The following INPP5D variants were observed in gnomAD, a reference collection of about 807,000 sequenced individuals.
INPP5D encodes the protein inositol polyphosphate-5-phosphatase D, also known as phosphatidylinositol 3,4,5-trisphosphate 5-phosphatase 1.
A neutral mutation model predicts 122.9 loss-of-function variants in INPP5D; 33 were observed. The observed-to-expected ratio is 0.27, with a 90% CI of 0.20 to 0.36. The LOEUF (loss-of-function observed/expected upper bound fraction) is 0.36. Among genes scored for constraint, INPP5D ranks in the 10% least tolerant of loss-of-function variants. The pLI, the probability that INPP5D is intolerant of heterozygous loss-of-function variation, is 1.00. For missense variants in INPP5D, 1,053 were observed against 1,412.7 expected, an observed-to-expected ratio of 0.75 and a Z score of 4.08; for synonymous variants, 584 against 576.2, an observed-to-expected ratio of 1.01 and a Z score of -0.19.
chr2:233,205,889 A>G (rs56404638), intron 26 of INPP5D, among the ~76,000 whole-genome samples: 29,572 of 151,714 alleles, frequency 0.19, 3,005 homozygotes, highest in East Asian at 0.36. Context: ...GACCAGCCTA[A>G]CCAATATGGT....
chr2:233,174,547 C>T (rs1342779679), intron 17 of INPP5D, among the ~76,000 whole-genome samples: 2 of 152,206 alleles, frequency 1.3e-5, no homozygotes, highest in Non-Finnish European at 2.9e-5. Context: ...ATTCCCAACA[C>T]TTTGGGAGCT....
In INPP5D at chr2:233,204,662, G is replaced by A. The variant is rs868383258; in HGVS notation, c.3512G>A (p.Gly1171Asp). ...GACAACACCGAGCTCCCGCATCACGGCAAGCACCGGCCGGAGGAGGGGCCA... is the reference window on the plus strand; with the variant it reads ...GACAACACCGAGCTCCCGCATCACGACAAGCACCGGCCGGAGGAGGGGCCA... ...YRDNTELPHH[G>D]KHRPEEGPPG... Residue 1171 changes from glycine to aspartate, a missense_variant, in exon 26 of 27, where the codon GGC becomes GAC. This residue lies in a region of INPP5D where 417 missense variants were observed against 425.8 expected (regional missense o/e 0.98). Coordinates refer to ENST00000445964, the MANE Select transcript of INPP5D (RefSeq NM_001017915.3). The A allele has an allele frequency of 6.3e-7, 1 of 1,577,764 alleles. No homozygotes were observed. Among genetic ancestry groups the A allele is most frequent in the Non-Finnish European group, 8.6e-7 (1 of 1,163,184 alleles).
rs148152421 is a variant in INPP5D at position 233,070,261 on chromosome 2, C to T, written c.135-9074C>T. Among the ~76,000 whole-genome samples, 315 of 151,922 alleles carry T rather than the reference C, an allele frequency of 2.1e-3. 2 individuals carry two copies. The highest frequency in any genetic ancestry group is 0.011 in the East Asian group (57 of 5,182). Reference sequence around the variant, plus strand: ...TTTAAGTTTTATGATTTTTTTTTGACATTCAGGGACTGTAAATTTTTATAT... The same window carrying T: ...TTTAAGTTTTATGATTTTTTTTTGATATTCAGGGACTGTAAATTTTTATAT... On this transcript the variant is annotated intron_variant, in intron 1 of 26. Transcript: ENST00000445964.
chr2:233,164,321 G>T lies in INPP5D; in HGVS notation c.1452G>T (p.Thr484=). Residue 484 remains threonine (T), a synonymous_variant, in exon 13 of 27, where the codon ACG becomes ACT. Coordinates refer to ENST00000445964, the MANE Select transcript of INPP5D (RefSeq NM_001017915.3). This position sits in a 1 kb window ranked among gnomAD's most constrained non-coding sequence, Gnocchi z 4.3. The stretch of plus-strand genomic sequence containing the variant: ...CCTCCCACCAGGTCGCCATCCACAC[G>T]CTCTGGAACATCCGCATCGTGGTGC... ...SVTFKTVAIH[T]LWNIRIVVLA... is the part of the protein sequence containing the mutation. 7 of 1,550,906 alleles carry T rather than the reference G, an allele frequency of 4.5e-6. No homozygotes were observed. The highest frequency in any genetic ancestry group is 6.1e-6 in the Non-Finnish European group (7 of 1,146,596).
chr2:233,166,149 G>A (rs375586031), intron 13 of INPP5D, among the ~76,000 whole-genome samples: 4 of 152,110 alleles, frequency 2.6e-5, no homozygotes, highest in African/African-American at 7.2e-5. Context: ...CTGCGCCCAC[G>A]CCCTCCTGCT....
chr2:233,172,529 C>G (rs751455343), intron 17 of INPP5D, among the ~76,000 whole-genome samples: 15 of 152,204 alleles, frequency 9.9e-5, no homozygotes, highest in Non-Finnish European at 1.5e-4. Flanking sequence ...ATTGCGAGAC[C>G]TGATTGCCAT....
chr2:233,073,477 T>C (rs889305552), intron 1 of INPP5D, among the ~76,000 whole-genome samples: 1 of 151,726 alleles, frequency 6.6e-6, no homozygotes, highest in Non-Finnish European at 1.5e-5. Flanking sequence ...CCATCTCTAC[T>C]AAAAGTACAA....
At chr2:233,118,931 C>T (rs937813108) in intron 2 of INPP5D, among the ~76,000 whole-genome samples, 1 of 152,240 alleles carries the variant, frequency 6.6e-6, no homozygotes, top group Non-Finnish European at 1.5e-5. Context: ...TCCCTGGCCT[C>T]TGGGAGCGGG....
rs1006710801 is a variant in INPP5D at position 233,164,156 on chromosome 2, A to G, written c.1438-151A>G. The G allele has an allele frequency of 6.3e-5, 89 of 1,415,474 alleles. No homozygotes were observed. The highest frequency in any genetic ancestry group is 8.0e-5 in the Non-Finnish European group (86 of 1,079,500). The allele number at this position is 1,415,474 out of a possible 1,614,324, so 87.7% of individuals were successfully genotyped here. A position where few individuals can be genotyped will look rare whatever the true frequency, so the allele number is the denominator to read the frequency against. On this transcript the variant is annotated intron_variant, in intron 12 of 26. Transcript: ENST00000445964. The surrounding 1 kb of genome is among the most constrained non-coding windows in gnomAD (Gnocchi z 4.3). ...ATCTTTAGGATGTTTTGTCTCGCCT[A>G]TCAAGCATCGCTGGGAGTCCCCCGA...
chr2:233,126,433 C>T (rs902816377), intron 4 of INPP5D, among the ~76,000 whole-genome samples: 15 of 152,138 alleles, frequency 9.9e-5, no homozygotes, highest in African/African-American at 2.9e-4. Flanking sequence ...CATACGCCAC[C>T]GGGTTGCTAT....
At chr2:233,086,121 C>CTTTCT (rs1010736647) in intron 2 of INPP5D, among the ~76,000 whole-genome samples, 2 of 67,332 alleles carry the variant, frequency 3.0e-5, no homozygotes, top group African/African-American at 1.5e-4. Flanking sequence ...AAGATAGCCT[C>CTTTCT]TTTCTTTCTT....
At chr2:233,143,176 A>G (rs1006975496) in intron 6 of INPP5D, among the ~76,000 whole-genome samples, 12 of 152,260 alleles carry the variant, frequency 7.9e-5, no homozygotes, top group Non-Finnish European at 1.5e-4. Flanking sequence ...TGCTTGGCAT[A>G]GCATACAAAC....
chr2:233,193,985 C>A, intron 23 of INPP5D, 24 bp downstream of exon 23: 4 of 1,564,362 alleles, frequency 2.6e-6, no homozygotes, highest in Non-Finnish European at 3.5e-6. Context: ...CCCTCCCCAG[C>A]GCCCTCTTCA....
chr2:233,204,611 A>C lies in INPP5D; in HGVS notation c.3461A>C (p.Gln1154Pro). The C allele has an allele frequency of 6.3e-7, 1 of 1,575,724 alleles. No individual in the cohort carries two copies. The highest frequency in any genetic ancestry group is 8.6e-7 in the Non-Finnish European group (1 of 1,162,428). Residue 1154 changes from glutamine to proline, a missense_variant, in exon 26 of 27, where the codon CAG (glutamine) becomes CCG (proline). Transcript: ENST00000445964. ...PVKSPAVLHLQHSKGRDYRDN... is the reference protein window; with the variant it reads ...PVKSPAVLHLPHSKGRDYRDN... ...AAGAGCCCGGCGGTGCTGCACCTCC[A>C]GCACTCCAAGGGCCGCGACTACCGC...
At position 233,198,392 on chromosome 2, in the gene INPP5D, A is replaced by G. The variant is rs1302033140; in HGVS notation, c.2975+16A>G. ...AGGAGTCAAGGTGAGCATCCTCTTC[A>G]TTAAGACGGCTCCCTCCCTCCTTAT... is the stretch of plus-strand genomic sequence containing the variant. On this transcript the variant is annotated intron_variant, in intron 25 of 26. Coordinates refer to ENST00000445964, the MANE Select transcript of INPP5D (RefSeq NM_001017915.3). 1 of 1,597,924 alleles carries G rather than the reference A, an allele frequency of 6.3e-7. No individual in the cohort carries two copies. Among genetic ancestry groups the G allele is most frequent in the Admixed American group, 1.7e-5 (1 of 59,346 alleles).
In INPP5D at chr2:233,125,883, CATT is replaced by C. The variant is rs1455988117; in HGVS notation, c.489_491del (p.Leu164del). 1.9e-6 allele frequency: 3 copies of C among 1,613,774 alleles called. No homozygotes were observed. The African/African-American group carries it at 4.0e-5, about 22-fold the overall frequency. On this transcript the variant is annotated inframe_deletion, in exon 4 of 27. Coordinates refer to ENST00000445964, the MANE Select transcript of INPP5D (RefSeq NM_001017915.3). ...ACCAGCCGGCCGAGCCTCTCCGAGA[CATT>C]GTTCCAGCGACTGCAAAGCATGGAC...
intron 4 of INPP5D, among the ~76,000 whole-genome samples, chr2:233,126,585 A>G (rs973464659): frequency 6.6e-6 from 1 of 152,092 alleles, no homozygotes; most frequent in African/African-American, 2.4e-5. Flanking sequence ...TACTATGTTG[A>G]TTGTCTCTAT....
At chr2:233,123,161 A>G (rs1693042198) in intron 3 of INPP5D, among the ~76,000 whole-genome samples, 1 of 152,118 alleles carries the variant, frequency 6.6e-6, no homozygotes, top group African/African-American at 2.4e-5. Flanking sequence ...TGTTGAAAAA[A>G]ATGTACAGTC....
At chr2:233,184,313 T>C in intron 19 of INPP5D, 95 bp from the exon 20 acceptor site, 1 of 1,496,022 alleles carries the variant, frequency 6.7e-7, no homozygotes, top group South Asian at 1.3e-5. Flanking sequence ...CCTGGGACCC[T>C]GAGAAGGAGC....
Sources: allele counts gnomAD v4.1 joint callset (sites outside exome capture counted in the v4.1 genomes callset), GRCh38; gene constraint gnomAD v4.1.1; regional missense constraint gnomAD v4.1.1; non-coding constraint Gnocchi (gnomAD v3.1); transcripts MANE v1.5; gene names NCBI Gene and HGNC (gene_info 2026-07-23, HGNC 2026-07-21).